The following KHDRBS2 variants were observed in gnomAD, a reference collection of about 807,000 sequenced individuals.
KHDRBS2 encodes KH RNA binding domain containing, signal transduction associated 2.
A neutral mutation model predicts 44.3 loss-of-function variants in KHDRBS2; 26 were observed. The observed-to-expected ratio is 0.59, with a 90% CI of 0.43 to 0.81. The LOEUF is 0.81. KHDRBS2 is among the 40% of genes least tolerant of loss of function. The pLI is 0.00. For synonymous variants in KHDRBS2, 194 were observed against 151.1 expected, an observed-to-expected ratio of 1.28 and a Z score of -2.08; for missense variants, 476 against 433.1, an observed-to-expected ratio of 1.10 and a Z score of -0.88.
At chr6:61,562,026 C>T in the KHDRBS2 span, among the ~76,000 whole-genome samples, 2 of 152,112 alleles carry the variant, frequency 1.3e-5, no homozygotes, top group Non-Finnish European at 2.9e-5. Context: ...GGCCAAATGA[C>T]CATGTTTAAC....
At chr6:61,871,673 A>G (rs545831166) in intron 6 of KHDRBS2, among the ~76,000 whole-genome samples, 8 of 152,354 alleles carry the variant, frequency 5.3e-5, no homozygotes, top group African/African-American at 1.9e-4. Context: ...GAATCTCTAC[A>G]AGCCAGAAGA....
chr6:61,714,198 A>G (rs974241026), intron 7 of KHDRBS2, among the ~76,000 whole-genome samples: 10 of 151,412 alleles, frequency 6.6e-5, no homozygotes, highest in Admixed American at 6.6e-5. Context: ...AACTCAACAT[A>G]ACAACAACAA....
At chr6:61,965,341 C>T (rs868824350) in intron 4 of KHDRBS2, among the ~76,000 whole-genome samples, 1 of 152,166 alleles carries the variant, frequency 6.6e-6, no homozygotes, top group Middle Eastern at 3.4e-3. Context: ...TGGTCAACCG[C>T]TAGGACTGGG....
chr6:61,753,081 C>A (rs1451485452), intron 6 of KHDRBS2, among the ~76,000 whole-genome samples: 1 of 152,088 alleles, frequency 6.6e-6, no homozygotes, highest in Non-Finnish European at 1.5e-5. Context: ...TTACATTGGA[C>A]ATAATAATTC....
intron 1 of KHDRBS2, among the ~76,000 whole-genome samples, chr6:62,189,458 T>C (rs1170216244): frequency 2.0e-5 from 3 of 152,098 alleles, no homozygotes; most frequent in African/African-American, 7.2e-5. Flanking sequence ...AGTAAGTGTT[T>C]GCCATTTTAA....
At chr6:62,267,829 T>C (rs1839448308) in intron 1 of KHDRBS2, among the ~76,000 whole-genome samples, 1 of 152,072 alleles carries the variant, frequency 6.6e-6, no homozygotes, top group South Asian at 2.1e-4. Flanking sequence ...TATCAAATCA[T>C]ACATTCATAC....
intron 8 of KHDRBS2, among the ~76,000 whole-genome samples, chr6:61,682,020 G>A (rs1364881537): frequency 6.6e-6 from 1 of 151,804 alleles, no homozygotes; most frequent in Non-Finnish European, 1.5e-5. Context: ...AAGGAAAGAA[G>A]GTTACTAGAG....
chr6:62,108,043 T>G (rs1283737504), intron 2 of KHDRBS2, among the ~76,000 whole-genome samples: 2 of 152,136 alleles, frequency 1.3e-5, no homozygotes, highest in African/African-American at 4.8e-5. Context: ...GGCAAGGACT[T>G]CATGTCTAAA....
At chr6:62,219,016 A>G (rs1214170616) in intron 1 of KHDRBS2, among the ~76,000 whole-genome samples, 3 of 151,758 alleles carry the variant, frequency 2.0e-5, no homozygotes, top group South Asian at 2.1e-4. Flanking sequence ...ACAGGGGGGA[A>G]GAAGTGGGCA....
At chr6:61,896,130 T>C (rs1802894304) in intron 5 of KHDRBS2, among the ~76,000 whole-genome samples, 1 of 152,196 alleles carries the variant, frequency 6.6e-6, no homozygotes, top group African/African-American at 2.4e-5. Context: ...TGATAATACA[T>C]AAAGGGATGT....
chr6:62,080,926 T>C (rs1434091253), intron 2 of KHDRBS2, among the ~76,000 whole-genome samples: 1 of 152,122 alleles, frequency 6.6e-6, no homozygotes, highest in Non-Finnish European at 1.5e-5. Context: ...CTTCTATAGC[T>C]TATGGTCTCT....
At chr6:62,059,198 G>GTTTTTTTTTTTT (rs398001756) in intron 2 of KHDRBS2, among the ~76,000 whole-genome samples, 291 of 24,886 alleles carry the variant, frequency 0.012, 119 homozygotes, top group Non-Finnish European at 0.017. Context: ...AAGTTAGGAA[G>GTTTTTTTTTTTT]TTTTTTTTTT....
chr6:61,987,555 T>C (rs1417151754), intron 3 of KHDRBS2, among the ~76,000 whole-genome samples: 2 of 152,160 alleles, frequency 1.3e-5, no homozygotes, highest in African/African-American at 4.8e-5. Context: ...CAGAAATAAA[T>C]AAATCTATTG....
intron 3 of KHDRBS2, among the ~76,000 whole-genome samples, chr6:61,990,850 C>T (rs555526689): frequency 1.1e-4 from 17 of 152,076 alleles, no homozygotes; most frequent in African/African-American, 4.1e-4. Context: ...GCTGGGACTA[C>T]AGGCACGCAC....
At chr6:61,790,439 C>T (rs1414877529) in intron 6 of KHDRBS2, among the ~76,000 whole-genome samples, 1 of 149,734 alleles carries the variant, frequency 6.7e-6, no homozygotes, top group African/African-American at 2.4e-5. Flanking sequence ...AGGCAGACAA[C>T]AGCAGCCTGA....
At chr6:61,620,505 C>T in the KHDRBS2 span, among the ~76,000 whole-genome samples, 1 of 152,168 alleles carries the variant, frequency 6.6e-6, no homozygotes, top group African/African-American at 2.4e-5. Context: ...CTGCAGCTTA[C>T]AAGATGTATT....
At chr6:61,722,131 A>C (rs1211879867) in intron 7 of KHDRBS2, among the ~76,000 whole-genome samples, 4 of 152,146 alleles carry the variant, frequency 2.6e-5, no homozygotes, top group Non-Finnish European at 5.9e-5. Flanking sequence ...GATGAAGCCC[A>C]CTTGATCATG....
intron 1 of KHDRBS2, among the ~76,000 whole-genome samples, chr6:62,183,862 C>T (rs537447615): frequency 5.5e-4 from 83 of 151,676 alleles, no homozygotes; most frequent in African/African-American, 1.9e-3. Flanking sequence ...CTTTTCTTTA[C>T]GAATATTTTT....
At chr6:62,060,636 T>C (rs1050778246) in intron 2 of KHDRBS2, among the ~76,000 whole-genome samples, 1 of 150,174 alleles carries the variant, frequency 6.7e-6, no homozygotes, top group African/African-American at 2.4e-5. Flanking sequence ...TCTCTCTCTA[T>C]ATATATATAT....
Sources: gnomAD v4.1 joint callset for allele counts (sites outside exome capture counted in the v4.1 genomes callset) on GRCh38, gnomAD v4.1.1 for gene constraint, MANE v1.5 for transcripts, NCBI Gene and HGNC (gene_info 2026-07-23, HGNC 2026-07-21) for gene names.